Variants in NTM observed in about 807,000 individuals in gnomAD.
NTM encodes the protein neurotrimin.
NTM carries 13 observed loss-of-function variants against 42.1 expected under a neutral mutation model. That is an observed-to-expected ratio of 0.31 (90% CI 0.20 to 0.49). The LOEUF is 0.49. NTM is among the 20% of genes least tolerant of loss of function. The probability of loss-of-function intolerance (pLI) is 0.99; values close to 1 mark genes in which losing one functional copy is unlikely to be tolerated. For missense variants in NTM, 373 were observed against 452.8 expected, an observed-to-expected ratio of 0.82 and a Z score of 1.60; for synonymous variants, 187 against 179.2, an observed-to-expected ratio of 1.04 and a Z score of -0.35.
intron 2 of NTM, among the ~76,000 whole-genome samples, chr11:132,124,378 A>G (rs555593619): frequency 2.2e-4 from 33 of 152,308 alleles, no homozygotes; most frequent in African/African-American, 7.5e-4. Flanking sequence ...TCCAAAACAC[A>G]GGTCCCAGCA....
chr11:131,684,604 C>T (rs1465860290), intron 1 of NTM, among the ~76,000 whole-genome samples: 1 of 152,240 alleles, frequency 6.6e-6, no homozygotes, highest in Non-Finnish European at 1.5e-5. Flanking sequence ...TTGGGACCTG[C>T]AGGTGGACAT....
chr11:131,855,019 G>A (rs759381656), intron 1 of NTM, among the ~76,000 whole-genome samples: 18 of 152,162 alleles, frequency 1.2e-4, no homozygotes, highest in Non-Finnish European at 2.5e-4. Flanking sequence ...GTGTGGGACC[G>A]GTGCTGATGG....
At chr11:131,690,382 C>A (rs1424866918) in intron 1 of NTM, among the ~76,000 whole-genome samples, 4 of 152,216 alleles carry the variant, frequency 2.6e-5, no homozygotes, top group Non-Finnish European at 2.9e-5. Flanking sequence ...CACACAAACA[C>A]CCCGAGATCA....
intron 1 of NTM, among the ~76,000 whole-genome samples, chr11:131,627,273 TG>T (rs940318420): frequency 7.0e-6 from 1 of 142,856 alleles, no homozygotes; most frequent in African/African-American, 2.6e-5. Context: ...TAAATAGGAG[TG>T]GAAAAAGAAT....
At position 132,232,069 on chromosome 11, in the gene NTM, G is replaced by A. The variant is rs188914361; in HGVS notation, c.526+19922G>A. Among the ~76,000 whole-genome samples the A allele has an allele frequency of 3.4e-3, 517 of 152,274 alleles. 4 individuals are homozygous for A. Among genetic ancestry groups the A allele is most frequent in the African/African-American group, 0.012 (498 of 41,556 alleles). ...TTCCAGATCCAAGGGAGACACAAAA[G>A]GGAATTAAAAACTTCACGTTGCGTT... is the stretch of plus-strand genomic sequence containing the variant. On this transcript the variant is annotated intron_variant, in intron 4 of 8. Coordinates refer to ENST00000683400, the MANE Select transcript of NTM (RefSeq NM_001352005.2).
chr11:132,318,196 G>A (rs2095479355), intron 7 of NTM, among the ~76,000 whole-genome samples: 1 of 152,200 alleles, frequency 6.6e-6, no homozygotes, highest in Non-Finnish European at 1.5e-5. Context: ...TTCTAGGGGT[G>A]CTACTGGGGT....
intron 1 of NTM, among the ~76,000 whole-genome samples, chr11:131,642,922 C>A (rs1204264805): frequency 6.6e-6 from 1 of 152,138 alleles, no homozygotes; most frequent in African/African-American, 2.4e-5. Flanking sequence ...TTAATATAGG[C>A]TCTTCAGCAT....
chr11:131,717,001 C>T (rs1260769720), intron 1 of NTM, among the ~76,000 whole-genome samples: 1 of 152,052 alleles, frequency 6.6e-6, no homozygotes, highest in African/African-American at 2.4e-5. Flanking sequence ...CCACTACACC[C>T]AGCTAATTTA....
rs113597280 is a variant in NTM at position 132,058,251 on chromosome 11, G to A, written c.168-88031G>A. 1.3e-3 allele frequency among the ~76,000 whole-genome samples: 194 copies of A among 152,262 alleles called. 1 individual carries two copies. The highest frequency in any genetic ancestry group is 4.5e-3 in the African/African-American group (187 of 41,548). ...GTCCTTGCATTCTGATGGAGGAAGT[G>A]GGCGGGAGGTGCTGCTGCTGGAATG... is the stretch of plus-strand genomic sequence containing the variant. On this transcript the variant is annotated intron_variant, in intron 2 of 8. Coordinates refer to ENST00000683400, the MANE Select transcript of NTM (RefSeq NM_001352005.2).
intron 1 of NTM, among the ~76,000 whole-genome samples, chr11:131,637,295 C>A (rs1232718040): frequency 6.6e-6 from 1 of 151,932 alleles, no homozygotes; most frequent in Admixed American, 6.6e-5. Context: ...GAGAAAGCAA[C>A]TAAATCACAA....
chr11:131,469,726 T>A (rs975723140), intron 1 of NTM, among the ~76,000 whole-genome samples: 1 of 152,244 alleles, frequency 6.6e-6, no homozygotes, highest in African/African-American at 2.4e-5. Context: ...AGTTTTCTCA[T>A]CTATAAAGTA....
chr11:132,203,195 C>T (rs998908498), intron 3 of NTM, among the ~76,000 whole-genome samples: 6 of 152,170 alleles, frequency 3.9e-5, no homozygotes, highest in Non-Finnish European at 8.8e-5. Flanking sequence ...ATCAGCAGGG[C>T]GTGTGGTGCA....
chr11:131,704,896 G>A (rs531991770), intron 1 of NTM, among the ~76,000 whole-genome samples: 116 of 152,086 alleles, frequency 7.6e-4, no homozygotes, highest in Non-Finnish European at 1.5e-3. Context: ...TGAGCTCAAA[G>A]ACAGGTCATT....
chr11:131,871,556 G>A (rs1186085392), intron 1 of NTM, among the ~76,000 whole-genome samples: 1 of 152,168 alleles, frequency 6.6e-6, no homozygotes, highest in African/African-American at 2.4e-5. Context: ...CATTGTTTAT[G>A]CATTGTTGCC....
chr11:131,413,636 T>C lies in NTM; in HGVS notation c.82+42748T>C, dbSNP rs182257444. Among the ~76,000 whole-genome samples the C allele has an allele frequency of 6.6e-5, 10 of 152,290 alleles. 1 individual carries two copies. The East Asian group carries it at 1.9e-3, about 29-fold the overall frequency. On this transcript the variant is annotated intron_variant, in intron 1 of 8. Transcript: ENST00000683400. ...CAGTCTGAGAGAACCAGTCGTCTGA[T>C]TAAATTAAGGCAGGCACACAGACAG...
intron 1 of NTM, among the ~76,000 whole-genome samples, chr11:131,714,217 C>G (rs1226674176): frequency 6.6e-6 from 1 of 152,096 alleles, no homozygotes; most frequent in Non-Finnish European, 1.5e-5. Flanking sequence ...AAGACAGAGT[C>G]TCACTCTGTC....
At chr11:131,736,487 C>A (rs2080461918) in intron 1 of NTM, among the ~76,000 whole-genome samples, 2 of 152,164 alleles carry the variant, frequency 1.3e-5, no homozygotes, top group Admixed American at 6.5e-5. Context: ...CTCTGTGGTG[C>A]CCGGTGGGAG....
chr11:131,643,152 G>T lies in NTM; in HGVS notation c.83-268412G>T, dbSNP rs369730149. Among the ~76,000 whole-genome samples, 359 of 152,160 alleles carry T rather than the reference G, an allele frequency of 2.4e-3. 1 individual carries two copies. Among genetic ancestry groups the T allele is most frequent in the African/African-American group, 8.1e-3 (335 of 41,514 alleles). ...TTACAGAAGCATCCGAGCCCCTGTC[G>T]TTATTTTCAGCAAGTAACACTCAAT... On this transcript the variant is annotated intron_variant, in intron 1 of 8. Transcript: ENST00000683400.
At chr11:132,091,783 C>T (rs1363866611) in intron 2 of NTM, among the ~76,000 whole-genome samples, 1 of 152,156 alleles carries the variant, frequency 6.6e-6, no homozygotes, top group Non-Finnish European at 1.5e-5. Flanking sequence ...TGCCCAGTCC[C>T]ACGTGTTTTT....
Sources: allele counts gnomAD v4.1 joint callset (sites outside exome capture counted in the v4.1 genomes callset), GRCh38; gene constraint gnomAD v4.1.1; transcripts MANE v1.5; gene names NCBI Gene and HGNC (gene_info 2026-07-23, HGNC 2026-07-21).